The following SCFD2 variants were observed in gnomAD, a reference collection of about 807,000 sequenced individuals.
SCFD2 encodes the protein sec1 family domain containing 2, also known as sec1 family domain-containing protein 2.
Under a neutral mutation model 58.9 loss-of-function variants are expected in SCFD2, and 54 were observed. The observed-to-expected ratio is 0.92, with a 90% CI of 0.74 to 1.15. The LOEUF is 1.15. SCFD2 is among the 50% of genes most tolerant of loss of function. The probability of loss-of-function intolerance (pLI) is 0.00; values close to 1 mark genes in which losing one functional copy is unlikely to be tolerated. For missense variants in SCFD2, 805 were observed against 836.6 expected (o/e 0.96, Z 0.47); for synonymous variants, 321 against 335.9 (o/e 0.96, Z 0.49).
chr4:53,131,401 G>C (rs1725783104), intron 5 of SCFD2, among the ~76,000 whole-genome samples: 1 of 152,156 alleles, frequency 6.6e-6, no homozygotes, highest in Non-Finnish European at 1.5e-5. Flanking sequence ...AAAGGAAATA[G>C]AAATGGGCTG....
chr4:53,077,124 G>A (rs1417217203), intron 5 of SCFD2, among the ~76,000 whole-genome samples: 1 of 152,096 alleles, frequency 6.6e-6, no homozygotes, highest in Non-Finnish European at 1.5e-5. Context: ...TAGGTTATGA[G>A]CCTAAGTGTG....
At chr4:53,058,365 T>C (rs1723408350) in intron 5 of SCFD2, among the ~76,000 whole-genome samples, 3 of 152,120 alleles carry the variant, frequency 2.0e-5, no homozygotes, top group South Asian at 4.2e-4. Context: ...GTTTTTAATA[T>C]ATCAGACAGT....
intron 7 of SCFD2, among the ~76,000 whole-genome samples, chr4:52,904,138 C>T (rs938199324): frequency 6.6e-6 from 1 of 152,168 alleles, no homozygotes; most frequent in Non-Finnish European, 1.5e-5. Context: ...GTCTATAGAC[C>T]CTGCTTCCGG....
chr4:53,344,607 T>A (rs1403359166), intron 2 of SCFD2, among the ~76,000 whole-genome samples: 1 of 152,076 alleles, frequency 6.6e-6, no homozygotes, highest in African/African-American at 2.4e-5. Context: ...TACTTTAAAG[T>A]TCATATGGAA....
intron 4 of SCFD2, among the ~76,000 whole-genome samples, chr4:53,224,700 T>C (rs1304515432): frequency 6.6e-6 from 1 of 152,220 alleles, no homozygotes; most frequent in Admixed American, 6.5e-5. Flanking sequence ...CTGTGAGCTC[T>C]AATAAAATGC....
intron 5 of SCFD2, among the ~76,000 whole-genome samples, chr4:53,083,705 T>C (rs1412273540): frequency 3.3e-5 from 5 of 152,130 alleles, no homozygotes; most frequent in African/African-American, 1.2e-4. Context: ...AAGAGAGGAA[T>C]TTTACAGCTG....
intron 4 of SCFD2, among the ~76,000 whole-genome samples, chr4:53,239,286 C>T (rs947157806): frequency 1.3e-4 from 19 of 151,908 alleles, no homozygotes; most frequent in Admixed American, 2.6e-4. Flanking sequence ...TTGCAGTGAG[C>T]CGAGATGGCA....
At chr4:53,258,373 T>C (rs1357836676) in intron 4 of SCFD2, among the ~76,000 whole-genome samples, 1 of 151,908 alleles carries the variant, frequency 6.6e-6, no homozygotes, top group African/African-American at 2.4e-5. Context: ...TATGTCTTTG[T>C]GTCTTCATAG....
chr4:53,252,719 T>C (rs1429205694), intron 4 of SCFD2, among the ~76,000 whole-genome samples: 1 of 152,168 alleles, frequency 6.6e-6, no homozygotes, highest in African/African-American at 2.4e-5. Flanking sequence ...CCTTACACCT[T>C]AGAGAAAAAT....
At chr4:53,024,375 A>C (rs1184249289) in intron 5 of SCFD2, among the ~76,000 whole-genome samples, 1 of 152,214 alleles carries the variant, frequency 6.6e-6, no homozygotes, top group Non-Finnish European at 1.5e-5. Flanking sequence ...TGAGATTTAA[A>C]GCCCTGTTTT....
At chr4:52,929,605 G>A (rs1455705044) in intron 5 of SCFD2, among the ~76,000 whole-genome samples, 1 of 152,170 alleles carries the variant, frequency 6.6e-6, no homozygotes, top group African/African-American at 2.4e-5. Flanking sequence ...AAAACCATCA[G>A]GAATACACTT....
In SCFD2 at chr4:53,360,407, T is replaced by C. The variant is rs540889790; in HGVS notation, c.838+4697A>G. On this transcript the variant is annotated intron_variant, in intron 1 of 8. Transcript: ENST00000401642. ...TTTAATCCTTCTAAAAGTGAGCAGGTGATAATTTTTAAATGGGATGTAGAT... is the reference window on the plus strand; with the variant it reads ...TTTAATCCTTCTAAAAGTGAGCAGGCGATAATTTTTAAATGGGATGTAGAT... Among the ~76,000 whole-genome samples the C allele has an allele frequency of 1.1e-4, 16 of 152,270 alleles. No individual in the cohort carries two copies. The South Asian group carries it at 2.9e-3, about 28-fold the overall frequency.
At chr4:53,237,357 C>A (rs1729661676) in intron 4 of SCFD2, among the ~76,000 whole-genome samples, 1 of 151,900 alleles carries the variant, frequency 6.6e-6, no homozygotes, top group Admixed American at 6.5e-5. Flanking sequence ...CTGTTGGCTA[C>A]ACCTCCCAGA....
intron 5 of SCFD2, among the ~76,000 whole-genome samples, chr4:53,138,407 T>C (rs1726006840): frequency 6.6e-6 from 1 of 152,226 alleles, no homozygotes; most frequent in East Asian, 1.9e-4. Flanking sequence ...AGTGTTTTGA[T>C]TTCGTTCTCT....
intron 5 of SCFD2, among the ~76,000 whole-genome samples, chr4:53,076,792 G>C (rs1723989595): frequency 6.6e-6 from 1 of 152,174 alleles, no homozygotes; most frequent in South Asian, 2.1e-4. Context: ...AGCCACACTT[G>C]CATTTATCCA....
At chr4:53,313,906 TAAAG>T (rs1213969709) in intron 2 of SCFD2, 143 bp from the exon 3 acceptor site, 57 of 642,830 alleles carry the variant, frequency 8.9e-5, no homozygotes, top group Admixed American at 4.5e-4. Flanking sequence ...TAGGATTAAA[TAAAG>T]AATGTCTAAT....
At chr4:53,358,394 A>T (rs1734457655) in intron 1 of SCFD2, among the ~76,000 whole-genome samples, 2 of 152,026 alleles carry the variant, frequency 1.3e-5, no homozygotes, top group Non-Finnish European at 2.9e-5. Context: ...AAAAAAATAC[A>T]AAAATTAGCT....
chr4:53,253,148 T>C (rs1437509355), intron 4 of SCFD2, among the ~76,000 whole-genome samples: 1 of 152,220 alleles, frequency 6.6e-6, no homozygotes, highest in Non-Finnish European at 1.5e-5. Flanking sequence ...ATGCTCATCA[T>C]CACTGGCCAT....
intron 5 of SCFD2, among the ~76,000 whole-genome samples, chr4:52,992,318 C>T (rs1235074746): frequency 7.2e-5 from 11 of 152,232 alleles, no homozygotes; most frequent in Non-Finnish European, 1.5e-4. Flanking sequence ...CGGAGTCTCC[C>T]TCACTCAGTG....
Sources: allele counts gnomAD v4.1 joint callset (sites outside exome capture counted in the v4.1 genomes callset), GRCh38; gene constraint gnomAD v4.1.1; transcripts MANE v1.5; gene names NCBI Gene and HGNC (gene_info 2026-07-23, HGNC 2026-07-21).